The following DHX36 variants were observed in gnomAD, a reference collection of about 807,000 sequenced individuals.
DHX36 encodes ATP-dependent DNA/RNA helicase DHX36.
Under a neutral mutation model 139.0 loss-of-function variants are expected in DHX36, and 50 were observed. The observed-to-expected ratio is 0.36, with a 90% CI of 0.29 to 0.46. DHX36 has a LOEUF of 0.46. DHX36 is among the 20% of genes least tolerant of loss of function. The pLI, the probability that DHX36 is intolerant of heterozygous loss-of-function variation, is 1.00. For synonymous variants in DHX36, 425 were observed against 401.9 expected (o/e 1.06, Z -0.69); for missense variants, 1,024 against 1,211.3 (o/e 0.85, Z 2.29).
intron 4 of DHX36, among the ~76,000 whole-genome samples, chr3:154,310,836 T>TACATATATATATATATATGTATATAC (rs1712733474): frequency 1.2e-5 from 1 of 84,998 alleles, no homozygotes; most frequent in African/African-American, 4.9e-5. Context: ...TATATATATA[T>TACATATATATATATATATGTATATAC]ATATATATAT....
At position 154,273,220 on chromosome 3, in the gene DHX36, C is replaced by A. The variant is rs1719047235; in HGVS notation, c.*2951G>T. 1 of 151,850 alleles carries A rather than the reference C, an allele frequency of 6.6e-6. No individual in the cohort carries two copies. The highest frequency in any genetic ancestry group is 6.6e-5 in the Admixed American group (1 of 15,248). 9.4% of individuals were successfully genotyped at this position (151,850 alleles called of 1,614,324 possible). Reference sequence around the variant, plus strand: ...GAATGTATTTTCTACTCAGTAATGCCCTATTTTGTAAACAAAAGAAACAGA... The same window carrying A: ...GAATGTATTTTCTACTCAGTAATGCACTATTTTGTAAACAAAAGAAACAGA... On this transcript the variant is annotated 3_prime_UTR_variant, in exon 25 of 25. Transcript: ENST00000496811.
intron 5 of DHX36, among the ~76,000 whole-genome samples, chr3:154,307,518 A>G (rs1019792724): frequency 1.3e-5 from 2 of 152,090 alleles, no homozygotes; most frequent in Admixed American, 1.3e-4. Context: ...TGAAAAATGC[A>G]CAACATCACT....
rs772693351 is a variant in DHX36 at position 154,292,589 on chromosome 3, A to G, written c.1776T>C (p.Ser592=). The change falls in exon 15 of 25, where the codon AGT becomes AGC. Residue 592 remains serine (S), a synonymous_variant. Transcript: ENST00000496811. The part of the protein sequence containing the change: ...NISTMSAEWV[S]KANAKQRKGR... ...CTTTTCTCTGTTTGGCATTAGCTTT[A>G]CTAACCCACTCAGCGGACATTGTAC... 9.3e-6 allele frequency: 15 copies of G among 1,613,944 alleles called. No individual in the cohort carries two copies. Among genetic ancestry groups the G allele is most frequent in the African/African-American group, 2.7e-5 (2 of 74,908 alleles).
chr3:154,280,557 A>T (rs1440266620), intron 22 of DHX36, 22 bp downstream of exon 22: 3 of 1,510,116 alleles, frequency 2.0e-6, no homozygotes, highest in Non-Finnish European at 9.1e-7. Flanking sequence ...ACGAGTAATT[A>T]ATAATAATCT....
intron 5 of DHX36, among the ~76,000 whole-genome samples, chr3:154,306,564 A>G (rs1365595748): frequency 6.6e-6 from 1 of 152,126 alleles, no homozygotes; most frequent in Admixed American, 6.5e-5. Context: ...TCATTAATTT[A>G]TACTTTTCTG....
chr3:154,315,906 A>G (rs1712958564), intron 2 of DHX36, 133 bp downstream of exon 2: 1 of 1,077,264 alleles, frequency 9.3e-7, no homozygotes, highest in African/African-American at 1.6e-5. Context: ...CATTTTCTAA[A>G]TCTGTTTAAT....
intron 11 of DHX36, 86 bp from the exon 12 acceptor site, chr3:154,300,011 T>C: frequency 2.3e-6 from 2 of 851,286 alleles, no homozygotes; most frequent in South Asian, 1.5e-5. Context: ...GAAGTCTCCA[T>C]TAAAATTATA....
chr3:154,300,556 A>G (rs975703832), intron 11 of DHX36, 38 bp downstream of exon 11: 5 of 1,512,140 alleles, frequency 3.3e-6, no homozygotes, highest in Admixed American at 3.5e-5. Flanking sequence ...TAATAAAATT[A>G]AAATTATGTT....
In DHX36 at chr3:154,303,271, T is replaced by G. The variant is rs534109735; in HGVS notation, c.1217+58A>C. ...GGGTTTCTGAGACTAAAGTTTGACA[T>G]GAGAAAAGTGATATATTAGTACTTT... On this transcript the variant is annotated intron_variant, in intron 9 of 24. Transcript: ENST00000496811. The G allele has an allele frequency of 6.8e-4, 847 of 1,248,116 alleles. 3 individuals carry two copies. The highest frequency in any genetic ancestry group is 9.0e-4 in the Non-Finnish European group (794 of 882,838). 77.3% of individuals were successfully genotyped at this position (1,248,116 alleles called of 1,614,324 possible).
At chr3:154,276,671 T>C (rs1719157966) in intron 24 of DHX36, 76 bp downstream of exon 24, 2 of 1,415,494 alleles carry the variant, frequency 1.4e-6, no homozygotes, top group Admixed American at 2.0e-5. Context: ...TTAATCTATT[T>C]AACAGTTAGA....
intron 8 of DHX36, among the ~76,000 whole-genome samples, chr3:154,304,161 A>T (rs568079686): frequency 1.8e-4 from 27 of 152,366 alleles, no homozygotes; most frequent in African/African-American, 6.3e-4. Flanking sequence ...AAAGCTGATG[A>T]CAAGAACATT....
At chr3:154,315,021 A>G (rs1712910944) in intron 3 of DHX36, 25 bp downstream of exon 3, 1 of 1,514,644 alleles carries the variant, frequency 6.6e-7, no homozygotes, top group Admixed American at 1.9e-5. Flanking sequence ...AAATGACAAA[A>G]TATTTTTTGA....
chr3:154,276,249 A>G lies in DHX36; in HGVS notation c.2949T>C (p.Ile983=). 1 of 1,613,952 alleles carries G rather than the reference A, an allele frequency of 6.2e-7. No homozygotes were observed. The highest frequency in any genetic ancestry group is 8.5e-7 in the Non-Finnish European group (1 of 1,179,932). ...TTTCCTGTGTTTTGATCAAGTCTAT[A>G]ATAGCTGACAGTACTGCACAGTCTC... The part of the protein sequence containing the change: ...KSRDCAVLSA[I]IDLIKTQEKA... Residue 983 remains isoleucine, a synonymous_variant, in exon 25 of 25, where the codon ATT becomes ATC. Coordinates refer to ENST00000496811, the MANE Select transcript of DHX36 (RefSeq NM_020865.3).
At chr3:154,315,673 C>T (rs993828525) in intron 2 of DHX36, among the ~76,000 whole-genome samples, 2 of 152,030 alleles carry the variant, frequency 1.3e-5, no homozygotes, top group Non-Finnish European at 2.9e-5. Context: ...CTTTGAAATA[C>T]TTGTACTAAT....
intron 8 of DHX36, among the ~76,000 whole-genome samples, 163 bp downstream of exon 8, chr3:154,304,643 T>C (rs187480280): frequency 6.3e-4 from 96 of 152,274 alleles, no homozygotes; most frequent in African/African-American, 2.1e-3. Flanking sequence ...CATTTAAAAA[T>C]AGACCCAATT....
chr3:154,321,623 A>G (rs192647672), intron 1 of DHX36, among the ~76,000 whole-genome samples: 1 of 152,336 alleles, frequency 6.6e-6, no homozygotes, highest in African/African-American at 2.4e-5. Context: ...CTCAATAAAT[A>G]TTTGTTGAAA....
At chr3:154,313,483 C>G (rs1443815416) in intron 3 of DHX36, among the ~76,000 whole-genome samples, 1 of 151,962 alleles carries the variant, frequency 6.6e-6, no homozygotes, top group Non-Finnish European at 1.5e-5. Flanking sequence ...AGTTCAAGAC[C>G]AGCCTGGGCA....
At chr3:154,289,927 A>G (rs1711716708) in intron 15 of DHX36, 101 bp from the exon 16 acceptor site, 3 of 655,992 alleles carry the variant, frequency 4.6e-6, no homozygotes, top group Admixed American at 2.8e-5. Flanking sequence ...GCCAATATCA[A>G]TTTCTTACAT....
chr3:154,292,726 AAC>A (rs58416816), intron 14 of DHX36, 32 bp from the exon 15 acceptor site: 133,470 of 1,472,090 alleles, frequency 0.091, 974 homozygotes, highest in African/African-American at 0.18. Flanking sequence ...AAAATGTTAA[AAC>A]ACACACACAC....
Sources: gnomAD v4.1 joint callset for allele counts (sites outside exome capture counted in the v4.1 genomes callset) on GRCh38, gnomAD v4.1.1 for gene constraint, MANE v1.5 for transcripts, NCBI Gene and HGNC (gene_info 2026-07-23, HGNC 2026-07-21) for gene names.